Variants in TPCN1 observed in about 807,000 individuals in gnomAD.
TPCN1 encodes the protein two pore channel protein 1.
Under a neutral mutation model 108.8 loss-of-function variants are expected in TPCN1, and 52 were observed. The ratio of observed to expected loss-of-function variants is 0.48; its 90% CI spans 0.38 to 0.60. TPCN1 has a LOEUF of 0.60. Ranked by LOEUF, TPCN1 falls within the 20% of genes least tolerant of loss-of-function variation. The probability of loss-of-function intolerance (pLI) is 0.00; values close to 1 mark genes in which losing one functional copy is unlikely to be tolerated. For missense variants in TPCN1, 806 were observed against 1,072.8 expected (o/e 0.75, Z 3.47); for synonymous variants, 446 against 433.7 (o/e 1.03, Z -0.35).
rs12405 is a variant in TPCN1, at chr12:113,298,316, A to C, written c.*2240A>C. The C allele has an allele frequency of 3.3e-5, 5 of 152,244 alleles. No homozygotes were observed. The highest frequency in any genetic ancestry group is 2.4e-5 in the African/African-American group (1 of 41,510). 9.4% of individuals were successfully genotyped at this position (152,244 alleles called of 1,614,324 possible). On this transcript the variant is annotated 3_prime_UTR_variant, in exon 28 of 28. Coordinates refer to ENST00000335509, the MANE Select transcript of TPCN1 (RefSeq NM_017901.6). The stretch of plus-strand genomic sequence containing the variant: ...TGTGATCTAGCTCAGATGCCCTCTC[A>C]TCCTTGATGTCATAGTTGAGTGCAC...
intron 2 of TPCN1, among the ~76,000 whole-genome samples, chr12:113,241,506 T>C (rs1356974259): frequency 6.6e-6 from 1 of 152,232 alleles, no homozygotes; most frequent in Non-Finnish European, 1.5e-5. Context: ...TCAGTAGCCT[T>C]CATGCAGCTT....
chr12:113,245,545 G>A (rs1359345186), intron 2 of TPCN1, among the ~76,000 whole-genome samples: 65 of 127,306 alleles, frequency 5.1e-4, no homozygotes, highest in African/African-American at 2.0e-3. Flanking sequence ...AGCTTGCAGT[G>A]AGCCGAGATC....
At chr12:113,292,150 C>T (rs1389721600) in intron 25 of TPCN1, 192 bp downstream of exon 25, 17 of 583,348 alleles carry the variant, frequency 2.9e-5, no homozygotes, top group Non-Finnish European at 4.0e-5. Flanking sequence ...TGTCAGAAAA[C>T]GTAATCTAAC....
At chr12:113,287,803 C>T (rs61943639) in intron 19 of TPCN1, among the ~76,000 whole-genome samples, 8,842 of 152,250 alleles carry the variant, frequency 0.058, 356 homozygotes, top group Middle Eastern at 0.071. Flanking sequence ...CACTGGTGAG[C>T]TCCATTGCCC....
chr12:113,248,078 G>A (rs956882582), intron 2 of TPCN1, among the ~76,000 whole-genome samples: 1 of 152,192 alleles, frequency 6.6e-6, no homozygotes, highest in Non-Finnish European at 1.5e-5. Context: ...TAAAAGAAAG[G>A]TTTTTACAAA....
chr12:113,286,693 C>T (rs1956094491), intron 18 of TPCN1, among the ~76,000 whole-genome samples: 1 of 152,186 alleles, frequency 6.6e-6, no homozygotes, highest in African/African-American at 2.4e-5. Context: ...GAGGCCGGGG[C>T]TTCTTTCCTT....
intron 2 of TPCN1, among the ~76,000 whole-genome samples, chr12:113,230,037 T>C (rs538798584): frequency 6.6e-6 from 1 of 152,318 alleles, no homozygotes; most frequent in East Asian, 1.9e-4. Flanking sequence ...TGCTGGCAAG[T>C]CAGTCTAGAA....
rs1386128006 is a variant in TPCN1, at chr12:113,266,482, AGGTG to A, written c.414+128_414+131del. On this transcript the variant is annotated intron_variant, in intron 4 of 27. Coordinates refer to ENST00000335509, the MANE Select transcript of TPCN1 (RefSeq NM_017901.6). This position sits in a 1 kb window ranked among gnomAD's most constrained non-coding sequence, Gnocchi z 4.2. Reference sequence around the variant, plus strand: ...AACGGACTTAAAACAGAGAGATACGAGGTGGTCATAGAGGCCTTGGGAGCGGAAA... The same window carrying A: ...AACGGACTTAAAACAGAGAGATACGAGTCATAGAGGCCTTGGGAGCGGAAA... 6 of 1,307,716 alleles carry A rather than the reference AGGTG, an allele frequency of 4.6e-6. No homozygotes were observed. The highest frequency in any genetic ancestry group is 6.3e-6 in the Non-Finnish European group (6 of 946,572). 81.0% of individuals were successfully genotyped at this position (1,307,716 alleles called of 1,614,324 possible). A position where few individuals can be genotyped will look rare whatever the true frequency, so the allele number is the denominator to read the frequency against.
intron 2 of TPCN1, 152 bp downstream of exon 2, chr12:113,227,116 G>A: frequency 1.5e-6 from 1 of 666,314 alleles, no homozygotes. Flanking sequence ...ACTACTCCTG[G>A]GAGGCTGTGT....
chr12:113,278,811 A>C lies in TPCN1; in HGVS notation c.1273A>C (p.Arg425=), dbSNP rs1425808377. 1 of 1,614,012 alleles carries C rather than the reference A, an allele frequency of 6.2e-7. No individual in the cohort carries two copies. Residue 425 remains arginine, a synonymous_variant, in exon 14 of 28, where the codon AGG becomes CGG. Coordinates refer to ENST00000335509, the MANE Select transcript of TPCN1 (RefSeq NM_017901.6). ...NREHWFDELP[R]TALLIFKGIN... is the part of the protein sequence containing the mutation. ...AGAGCACTGGTTTGATGAGCTTCCC[A>C]GGACGGCGCTCCTCATCTTCAAAGG...
intron 2 of TPCN1, 93 bp from the exon 3 acceptor site, chr12:113,260,275 A>G: frequency 1.5e-6 from 2 of 1,379,198 alleles, no homozygotes; most frequent in Non-Finnish European, 9.5e-7. Flanking sequence ...ATGTGAGCAT[A>G]TGAAGGGACT....
intron 2 of TPCN1, among the ~76,000 whole-genome samples, chr12:113,251,962 C>T (rs1435088799): frequency 1.3e-5 from 2 of 152,210 alleles, no homozygotes; most frequent in East Asian, 1.9e-4. Flanking sequence ...CCCCAAAGAC[C>T]TCTTCAGTAG....
chr12:113,226,739 A>G lies in TPCN1; in HGVS notation c.-114A>G. On this transcript the variant is annotated 5_prime_UTR_variant, in exon 2 of 28. Coordinates refer to ENST00000335509, the MANE Select transcript of TPCN1 (RefSeq NM_017901.6). ...TTCCCAAACCCTAGAAGATGCCTCT[A>G]ATGGAGGAGTTTCTGAGCAGCACCC... 6.4e-7 allele frequency: 1 copy of G among 1,568,586 alleles called. No individual in the cohort carries two copies.
chr12:113,293,810 T>C (rs748789035), intron 27 of TPCN1, among the ~76,000 whole-genome samples: 1 of 152,112 alleles, frequency 6.6e-6, no homozygotes, highest in Non-Finnish European at 1.5e-5. Context: ...TGCTGCCCAA[T>C]AGGAAGAAGG....
At position 113,296,260 on chromosome 12, in the gene TPCN1, G is replaced by A. The variant is rs1956427055; in HGVS notation, c.*184G>A. ...CCTTGCCCTGTCTTCCTTAACTCCA[G>A]AAGCCAGTTTGGTGAGGGGTGGGGG... On this transcript the variant is annotated 3_prime_UTR_variant, in exon 28 of 28. Transcript: ENST00000335509. The A allele has an allele frequency of 4.1e-6, 4 of 983,910 alleles. No individual in the cohort carries two copies. The East Asian group carries it at 1.1e-4, about 26-fold the overall frequency. 60.9% of individuals were successfully genotyped at this position (983,910 alleles called of 1,614,324 possible).
chr12:113,272,072 C>T lies in TPCN1; in HGVS notation c.749-586C>T, dbSNP rs1955521203. On this transcript the variant is annotated intron_variant, in intron 7 of 27. Transcript: ENST00000335509. This position sits in a 1 kb window ranked among gnomAD's most constrained non-coding sequence, Gnocchi z 4.1. The stretch of plus-strand genomic sequence containing the variant: ...GTCATGGCTCTCACTTCCTCCCACC[C>T]ACCACCCCACTCTTGGTAGAATTTT... Among the ~76,000 whole-genome samples, 2 of 152,222 alleles carry T rather than the reference C, an allele frequency of 1.3e-5. No individual in the cohort carries two copies. Among genetic ancestry groups the T allele is most frequent in the Admixed American group, 1.3e-4 (2 of 15,282 alleles).
At chr12:113,240,119 C>T (rs898748325) in intron 2 of TPCN1, among the ~76,000 whole-genome samples, 1 of 152,194 alleles carries the variant, frequency 6.6e-6, no homozygotes. Flanking sequence ...CAGCCTCGAG[C>T]CAGTCTGGTA....
At position 113,285,947 on chromosome 12, in the gene TPCN1, T is replaced by G. The variant is rs1022794588; in HGVS notation, c.1512T>G (p.Ser504=). The part of the protein sequence containing the change: ...VAGLGPVEYL[S]SGWNLFDFSV... ...GCCTGGGCCCTGTGGAGTACTTGTC[T>G]TCCGGATGGAACTTGTGAGTGGACA... The change falls in exon 18 of 28, where the codon TCT becomes TCG. Residue 504 remains serine, a synonymous_variant. Coordinates refer to ENST00000335509, the MANE Select transcript of TPCN1 (RefSeq NM_017901.6). 2 of 1,614,082 alleles carry G rather than the reference T, an allele frequency of 1.2e-6. No homozygotes were observed. The highest frequency in any genetic ancestry group is 3.3e-5 in the Admixed American group (2 of 60,006).
At chr12:113,238,966 A>G (rs1309387938) in intron 2 of TPCN1, among the ~76,000 whole-genome samples, 1 of 152,052 alleles carries the variant, frequency 6.6e-6, no homozygotes, top group Non-Finnish European at 1.5e-5. Context: ...CCCCATTTCT[A>G]AAAAGAAGTT....
Sources: gnomAD v4.1 joint callset for allele counts (sites outside exome capture counted in the v4.1 genomes callset) on GRCh38, gnomAD v4.1.1 for gene constraint, Gnocchi (gnomAD v3.1) non-coding constraint, MANE v1.5 for transcripts, NCBI Gene and HGNC (gene_info 2026-07-23, HGNC 2026-07-21) for gene names.